ARFGEF3: variants seen among roughly 807,000 people sequenced by gnomAD.
ARFGEF3 encodes the protein ARFGEF family member 3, also known as brefeldin A-inhibited guanine nucleotide-exchange protein 3.
In ARFGEF3, 96 loss-of-function variants were observed where a neutral mutation model predicts 221.7. That is an observed-to-expected ratio of 0.43 (90% CI 0.37 to 0.51). ARFGEF3 has a LOEUF of 0.51. Among genes scored for constraint, ARFGEF3 ranks in the 20% least tolerant of loss-of-function variants. The probability of loss-of-function intolerance (pLI) is 0.00; values close to 1 mark genes in which losing one functional copy is unlikely to be tolerated. For missense variants in ARFGEF3, 2,410 were observed against 2,789.9 expected (o/e 0.86, Z 3.07); for synonymous variants, 1,145 against 1,126.8 (o/e 1.02, Z -0.32).
chr6:138,262,446 C>T (rs932194758), intron 11 of ARFGEF3, among the ~76,000 whole-genome samples: 3 of 152,174 alleles, frequency 2.0e-5, no homozygotes, highest in Non-Finnish European at 2.9e-5. Flanking sequence ...CCCACCTCAG[C>T]GTCCCAAAGT....
At chr6:138,296,244 C>T (rs1295268578) in intron 20 of ARFGEF3, among the ~76,000 whole-genome samples, 1 of 152,056 alleles carries the variant, frequency 6.6e-6, no homozygotes, top group Non-Finnish European at 1.5e-5. Context: ...GCAAAGGCTG[C>T]AGAGGTTTAT....
Position 138,263,416 on chromosome 6 carries a change from C to A in ARFGEF3, c.1933C>A (p.Arg645=). 1 of 1,613,968 alleles carries A rather than the reference C, an allele frequency of 6.2e-7. No individual in the cohort carries two copies. Among genetic ancestry groups the A allele is most frequent in the Non-Finnish European group, 8.5e-7 (1 of 1,179,892 alleles). ...ACTAGCCGATGAAGAGCAGACACCC[C>A]GGGACTGCCTAGGCCACCGGTCCCT... ...CSLADEEQTP[R]DCLGHRSLRT... Residue 645 remains arginine, a synonymous_variant, in exon 12 of 34, where the codon CGG becomes AGG. Coordinates refer to ENST00000251691, the MANE Select transcript of ARFGEF3 (RefSeq NM_020340.5).
chr6:138,269,836 T>G (rs1342651792), intron 12 of ARFGEF3, among the ~76,000 whole-genome samples: 1 of 152,098 alleles, frequency 6.6e-6, no homozygotes, highest in Non-Finnish European at 1.5e-5. Context: ...AAGGCAATAT[T>G]ACTACAAAAG....
At position 138,343,187 on chromosome 6, in the gene ARFGEF3, G is replaced by T. The variant is rs566335512; in HGVS notation, c.*6701G>T. 1 of 152,068 alleles carries T rather than the reference G, an allele frequency of 6.6e-6. No individual in the cohort carries two copies. The highest frequency in any genetic ancestry group is 1.5e-5 in the Non-Finnish European group (1 of 68,020). 9.4% of individuals were successfully genotyped at this position (152,068 alleles called of 1,614,324 possible). The stretch of plus-strand genomic sequence containing the variant: ...AAAAATTAAGGACCATACAGAGAAT[G>T]ATTTAAGAAAAAACAAGTCACTTAA... On this transcript the variant is annotated 3_prime_UTR_variant, in exon 34 of 34. Coordinates refer to ENST00000251691, the MANE Select transcript of ARFGEF3 (RefSeq NM_020340.5).
intron 5 of ARFGEF3, among the ~76,000 whole-genome samples, chr6:138,236,529 G>C (rs528982928): frequency 6.6e-6 from 1 of 152,320 alleles, no homozygotes; most frequent in South Asian, 2.1e-4. Flanking sequence ...CCAGACTGGA[G>C]TGGCACAATA....
At chr6:138,264,522 G>A (rs1778851983) in intron 12 of ARFGEF3, among the ~76,000 whole-genome samples, 1 of 152,114 alleles carries the variant, frequency 6.6e-6, no homozygotes, top group Non-Finnish European at 1.5e-5. Context: ...CTGACCCTGG[G>A]AACTGACACA....
chr6:138,337,034 T>C lies in ARFGEF3; in HGVS notation c.*548T>C, dbSNP rs987670896. The C allele has an allele frequency of 6.5e-6, 1 of 152,684 alleles. No homozygotes were observed. Among genetic ancestry groups the C allele is most frequent in the Non-Finnish European group, 1.5e-5 (1 of 68,054 alleles). 9.5% of individuals were successfully genotyped at this position (152,684 alleles called of 1,614,324 possible). On this transcript the variant is annotated 3_prime_UTR_variant, in exon 34 of 34. Transcript: ENST00000251691. ...GTGTCATAATCAAGAAAGAGGTGAC[T>C]TCTGTTGTAAAATAATCCAGAACAC...
intron 24 of ARFGEF3, among the ~76,000 whole-genome samples, chr6:138,309,960 T>C (rs1779796093): frequency 6.6e-6 from 1 of 152,190 alleles, no homozygotes. Context: ...CACCCAGAAA[T>C]CATGCTCTAT....
intron 3 of ARFGEF3, 53 bp from the exon 4 acceptor site, chr6:138,209,857 T>G: frequency 6.3e-7 from 1 of 1,595,544 alleles, no homozygotes; most frequent in Non-Finnish European, 8.6e-7. Context: ...TACAACCAAA[T>G]AAGGCAGCAG....
intron 23 of ARFGEF3, among the ~76,000 whole-genome samples, chr6:138,307,933 T>C (rs533484676): frequency 1.6e-4 from 24 of 152,212 alleles, no homozygotes; most frequent in African/African-American, 5.8e-4. Context: ...TTTAGCAACG[T>C]AGGAAGGACA....
intron 4 of ARFGEF3, among the ~76,000 whole-genome samples, chr6:138,212,371 A>AC (rs1777746226): frequency 3.9e-5 from 6 of 152,206 alleles, no homozygotes; most frequent in African/African-American, 1.2e-4. Flanking sequence ...CTACAAAAAA[A>AC]TAAAAAAAGT....
chr6:138,289,777 T>C (rs377344393), intron 17 of ARFGEF3, 41 bp from the exon 18 acceptor site: 3 of 1,588,586 alleles, frequency 1.9e-6, no homozygotes, highest in Admixed American at 3.6e-5. Context: ...TCTGTCTCCC[T>C]TACTCAACCT....
At chr6:138,305,247 T>G (rs1286098378) in intron 22 of ARFGEF3, among the ~76,000 whole-genome samples, 2 of 150,394 alleles carry the variant, frequency 1.3e-5, no homozygotes, top group African/African-American at 2.5e-5. Context: ...TACCAAAGTC[T>G]CAAGAAGGAA....
chr6:138,240,290 T>C (rs769852241), intron 6 of ARFGEF3, among the ~76,000 whole-genome samples: 1 of 152,204 alleles, frequency 6.6e-6, no homozygotes, highest in Admixed American at 6.5e-5. Flanking sequence ...TCATATTTCA[T>C]CCATGCTAAA....
At chr6:138,204,596 C>G (rs568933316) in intron 2 of ARFGEF3, among the ~76,000 whole-genome samples, 10 of 152,100 alleles carry the variant, frequency 6.6e-5, no homozygotes, top group Non-Finnish European at 1.5e-4. Context: ...AATGCATGGT[C>G]TAAAATATTT....
chr6:138,181,859 C>A (rs1009241966), intron 2 of ARFGEF3, among the ~76,000 whole-genome samples: 3 of 152,156 alleles, frequency 2.0e-5, no homozygotes, highest in African/African-American at 7.2e-5. Flanking sequence ...TTCCTGCTTT[C>A]GTTTCAAACT....
At chr6:138,310,994 G>C (rs995853313) in intron 24 of ARFGEF3, among the ~76,000 whole-genome samples, 10 of 152,166 alleles carry the variant, frequency 6.6e-5, no homozygotes, top group Admixed American at 5.2e-4. Flanking sequence ...ACTTGTCTCT[G>C]GGATTGTCCT....
At chr6:138,229,921 G>A in intron 5 of ARFGEF3, 69 bp downstream of exon 5, 1 of 1,291,070 alleles carries the variant, frequency 7.7e-7, no homozygotes, top group Non-Finnish European at 1.1e-6. Context: ...AAATATTGGG[G>A]TGGAACTAAG....
chr6:138,304,218 A>G (rs1779679027), intron 22 of ARFGEF3, among the ~76,000 whole-genome samples: 1 of 152,334 alleles, frequency 6.6e-6, no homozygotes, highest in South Asian at 2.1e-4. Context: ...TGAAAACATT[A>G]CATTAAATGA....
Sources: allele counts gnomAD v4.1 joint callset (sites outside exome capture counted in the v4.1 genomes callset), GRCh38; gene constraint gnomAD v4.1.1; transcripts MANE v1.5; gene names NCBI Gene and HGNC (gene_info 2026-07-23, HGNC 2026-07-21).